Variants in HERC5 observed in about 807,000 individuals in gnomAD.
HERC5 encodes the protein E3 ISG15--protein ligase HERC5.
In HERC5, 99 loss-of-function variants were observed where a neutral mutation model predicts 119.6. That is an observed-to-expected ratio of 0.83 (90% CI 0.70 to 0.98). The LOEUF is 0.98. HERC5 is among the 50% of genes least tolerant of loss of function. HERC5 has a pLI of 0.00. For synonymous variants in HERC5, 478 were observed against 445.9 expected, an observed-to-expected ratio of 1.07 and a Z score of -0.91; for missense variants, 1,267 against 1,241.3, an observed-to-expected ratio of 1.02 and a Z score of -0.31.
intron 10 of HERC5, among the ~76,000 whole-genome samples, chr4:88,471,128 C>G (rs553537369): frequency 1.3e-5 from 2 of 151,812 alleles, no homozygotes; most frequent in Non-Finnish European, 2.9e-5. Flanking sequence ...GGCACTACAC[C>G]CAGCTAATTT....
intron 13 of HERC5, among the ~76,000 whole-genome samples, chr4:88,483,509 G>T (rs1468557698): frequency 2.0e-5 from 3 of 146,810 alleles, no homozygotes; most frequent in African/African-American, 7.6e-5. Context: ...CACCACACCG[G>T]CTCTATAGGC....
At position 88,462,310 on chromosome 4, in the gene HERC5, A is replaced by G. The variant is rs762970774; in HGVS notation, c.642A>G (p.Ser214=). 6.2e-7 allele frequency: 1 copy of G among 1,614,072 alleles called. No homozygotes were observed. The highest frequency in any genetic ancestry group is 1.7e-5 in the Admixed American group (1 of 60,000). The change falls in exon 4 of 23, where the codon TCA becomes TCG. Residue 214 remains serine, a synonymous_variant. Coordinates refer to ENST00000264350, the MANE Select transcript of HERC5 (RefSeq NM_016323.4). ...MALSMSGNIY[S]WGKNECGQLG... ...TATCCATGTCTGGCAACATTTATTC[A>G]TGGGGAAAAAATGAATGTGGACAAC... is the stretch of plus-strand genomic sequence containing the variant.
chr4:88,491,312 G>T (rs140792151), intron 16 of HERC5, among the ~76,000 whole-genome samples: 87 of 152,280 alleles, frequency 5.7e-4, no homozygotes, highest in Non-Finnish European at 8.8e-4. Context: ...CAGGCCGTTG[G>T]AAGTGACTGT....
intron 18 of HERC5, 29 bp downstream of exon 18, chr4:88,494,360 C>T: frequency 6.4e-7 from 1 of 1,569,130 alleles, no homozygotes; most frequent in Non-Finnish European, 8.7e-7. Flanking sequence ...TGAGAAAGGA[C>T]CCTTTCTAAC....
intron 17 of HERC5, 46 bp from the exon 18 acceptor site, chr4:88,494,119 C>T (rs1258173938): frequency 1.7e-6 from 2 of 1,185,880 alleles, no homozygotes; most frequent in Non-Finnish European, 2.4e-6. Context: ...TTTCATTGTA[C>T]TGGTAAAAAC....
At position 88,504,205 on chromosome 4, in the gene HERC5, TG is replaced by T. The variant is rs750904209; in HGVS notation, c.2583-25del. On this transcript the variant is annotated intron_variant, in intron 20 of 22. Coordinates refer to ENST00000264350, the MANE Select transcript of HERC5 (RefSeq NM_016323.4). The stretch of plus-strand genomic sequence containing the variant: ...ATTTTGTTCAGGATATTGCAGTAAG[TG>T]GAAATAACATTTTGTTTTATTAAAG... The T allele has an allele frequency of 5.4e-6, 8 of 1,468,226 alleles. No individual in the cohort carries two copies. The South Asian group carries it at 9.6e-5, about 18-fold the overall frequency. 90.9% of individuals were successfully genotyped at this position (1,468,226 alleles called of 1,614,324 possible).
At position 88,457,163 on chromosome 4, in the gene HERC5, G is replaced by A; in HGVS notation, c.-107G>A. On this transcript the variant is annotated 5_prime_UTR_variant, in exon 1 of 23. Coordinates refer to ENST00000264350, the MANE Select transcript of HERC5 (RefSeq NM_016323.4). ...CCCCGACGCCACGCAGCTGCGCGCAGCTGGTTCCCGCTCTGCAGCGCAACG... is the reference window on the plus strand; with the variant it reads ...CCCCGACGCCACGCAGCTGCGCGCAACTGGTTCCCGCTCTGCAGCGCAACG... 1 of 1,234,588 alleles carries A rather than the reference G, an allele frequency of 8.1e-7. No homozygotes were observed. The highest frequency in any genetic ancestry group is 3.8e-5 in the South Asian group (1 of 26,460). 76.5% of individuals were successfully genotyped at this position (1,234,588 alleles called of 1,614,324 possible).
chr4:88,489,035 G>A, intron 15 of HERC5, 131 bp from the exon 16 acceptor site: 1 of 624,612 alleles, frequency 1.6e-6, no homozygotes. Context: ...CTTCAGTGGT[G>A]CATATAAGGT....
At chr4:88,503,236 CT>C (rs1308223184) in intron 20 of HERC5, among the ~76,000 whole-genome samples, 1 of 152,008 alleles carries the variant, frequency 6.6e-6, no homozygotes, top group Non-Finnish European at 1.5e-5. Flanking sequence ...ACTGATTATA[CT>C]GAACCTATAG....
At chr4:88,477,592 A>AG (rs1348184348) in intron 12 of HERC5, among the ~76,000 whole-genome samples, 5 of 60,820 alleles carry the variant, frequency 8.2e-5, no homozygotes, top group Middle Eastern at 7.6e-3. Context: ...GAAGGGAAGG[A>AG]GGAGGGAGGG....
intron 7 of HERC5, chr4:88,467,971 G>A (rs1161423033): frequency 5.9e-6 from 4 of 676,964 alleles, no homozygotes; most frequent in African/African-American, 5.8e-5. Flanking sequence ...AGTTACATGG[G>A]CTTAAAGTAC....
intron 13 of HERC5, among the ~76,000 whole-genome samples, chr4:88,482,574 C>T (rs185863885): frequency 1.2e-3 from 179 of 152,276 alleles, no homozygotes; most frequent in Non-Finnish European, 2.1e-3. Context: ...GTGCCAGAAG[C>T]AGGCTTGGAA....
rs10516809 is a variant in HERC5, at chr4:88,499,935, A to G, written c.2454A>G (p.Gln818=). The change falls in exon 19 of 23, where the codon CAA becomes CAG. Residue 818 remains glutamine, a synonymous_variant. Coordinates refer to ENST00000264350, the MANE Select transcript of HERC5 (RefSeq NM_016323.4). ...ELSPDLGKNL[Q]TLLDDEGDNF... Reference sequence around the variant, plus strand: ...ATTATTTTTTCCTTAGGAATTTGCAAACACTTCTGGATGATGAAGGTGATA... The same window carrying G: ...ATTATTTTTTCCTTAGGAATTTGCAGACACTTCTGGATGATGAAGGTGATA... The G allele has an allele frequency of 0.083, 133,244 of 1,598,852 alleles. 6,540 individuals carry two copies. The highest frequency in any genetic ancestry group is 0.092 in the Non-Finnish European group (107,839 of 1,166,558).
At chr4:88,486,040 A>T in intron 13 of HERC5, 75 bp from the exon 14 acceptor site, 1 of 772,698 alleles carries the variant, frequency 1.3e-6, no homozygotes, top group Non-Finnish European at 2.2e-6. Context: ...ATTTAATCTG[A>T]TAATCTAATT....
intron 18 of HERC5, among the ~76,000 whole-genome samples, chr4:88,496,431 T>C (rs1304702969): frequency 2.0e-5 from 3 of 152,228 alleles, no homozygotes; most frequent in African/African-American, 4.8e-5. Context: ...CAGGACAGTA[T>C]GATGTATGAT....
At chr4:88,467,458 A>G (rs1285374708) in intron 7 of HERC5, among the ~76,000 whole-genome samples, 18 of 152,370 alleles carry the variant, frequency 1.2e-4, no homozygotes. Flanking sequence ...ATTCAGAGGC[A>G]TATGCAGCTC....
Position 88,467,004 on chromosome 4 carries a change from C to T in HERC5, c.912-55C>T, listed in dbSNP as rs186000202. On this transcript the variant is annotated intron_variant, in intron 6 of 22. Coordinates refer to ENST00000264350, the MANE Select transcript of HERC5 (RefSeq NM_016323.4). ...TTTGGCAATTTACTGTATTGCTAAA[C>T]ACTCTCATCATTGTGGATAATTAAG... 1.8e-5 allele frequency: 28 copies of T among 1,567,968 alleles called. No homozygotes were observed. In the African/African-American group the frequency reaches 3.5e-4, roughly 20 times the overall value.
intron 18 of HERC5, among the ~76,000 whole-genome samples, chr4:88,499,136 A>G (rs1741880785): frequency 4.6e-5 from 7 of 152,140 alleles, no homozygotes; most frequent in Admixed American, 4.6e-4. Flanking sequence ...TGTGATTTCC[A>G]TAGTTCTCTG....
In HERC5 at chr4:88,500,917, G is replaced by A; in HGVS notation, c.2514G>A (p.Val838=). 6.2e-7 allele frequency: 1 copy of A among 1,610,306 alleles called. No individual in the cohort carries two copies. Among genetic ancestry groups the A allele is most frequent in the Non-Finnish European group, 8.5e-7 (1 of 1,178,058 alleles). Residue 838 remains valine, a splice_region_variant and synonymous_variant, in exon 20 of 23, where the codon GTG becomes GTA. Coordinates refer to ENST00000264350, the MANE Select transcript of HERC5 (RefSeq NM_016323.4). The part of the protein sequence containing the change: ...FEEVFYIHFN[V]HWDRNDTNLI... ...TCTGAGTTCATTTGCGGTTACAGGT[G>A]CACTGGGACAGAAACGACACAAACT...
Sources: allele counts gnomAD v4.1 joint callset (sites outside exome capture counted in the v4.1 genomes callset), GRCh38; gene constraint gnomAD v4.1.1; transcripts MANE v1.5; gene names NCBI Gene and HGNC (gene_info 2026-07-23, HGNC 2026-07-21).